Variants in SLC9A3 observed in about 807,000 individuals in gnomAD.
The protein encoded by SLC9A3 is sodium/hydrogen exchanger 3.
In SLC9A3, 37 loss-of-function variants were observed where a neutral mutation model predicts 86.8. That is an observed-to-expected ratio of 0.43 (90% CI 0.33 to 0.56). The LOEUF is 0.56. Among genes scored for constraint, SLC9A3 ranks in the 20% least tolerant of loss-of-function variants. The pLI is 0.06. For missense variants in SLC9A3, 1,011 were observed against 1,171.9 expected, an observed-to-expected ratio of 0.86 and a Z score of 2.00; for synonymous variants, 581 against 528.3, an observed-to-expected ratio of 1.10 and a Z score of -1.37.
chr5:501,820 A>C (rs1740290925), intron 1 of SLC9A3, among the ~76,000 whole-genome samples: 2 of 152,206 alleles, frequency 1.3e-5, no homozygotes, highest in African/African-American at 2.4e-5. Flanking sequence ...GCGGCCTGGC[A>C]GACGTGCCTG....
chr5:480,104 C>T, intron 9 of SLC9A3, 139 bp from the exon 10 acceptor site: 6 of 889,208 alleles, frequency 6.7e-6, no homozygotes, highest in Non-Finnish European at 1.0e-5. Flanking sequence ...GGGAAGCAGC[C>T]CCTGCCACAC....
rs775236709 is a variant in SLC9A3 at position 473,339 on chromosome 5, C to T, written c.*40G>A. The T allele has an allele frequency of 4.2e-6, 6 of 1,412,452 alleles. No individual in the cohort carries two copies. Among genetic ancestry groups the T allele is most frequent in the East Asian group, 3.1e-5 (1 of 32,542 alleles). 87.5% of individuals were successfully genotyped at this position (1,412,452 alleles called of 1,614,324 possible). ...CGGCGGCGGTGGGCGGACCGTGGCG[C>T]GGGGACGAGCGGCCGGTTAGCGGCG... On this transcript the variant is annotated 3_prime_UTR_variant, in exon 17 of 17. Transcript: ENST00000264938.
At chr5:498,025 G>A (rs540748963) in intron 1 of SLC9A3, among the ~76,000 whole-genome samples, 4 of 152,172 alleles carry the variant, frequency 2.6e-5, no homozygotes, top group South Asian at 2.1e-4. Flanking sequence ...CTCGGCCACC[G>A]CCCTCCTCTT....
At chr5:512,962 C>A (rs1217381776) in intron 1 of SLC9A3, among the ~76,000 whole-genome samples, 1 of 152,180 alleles carries the variant, frequency 6.6e-6, no homozygotes, top group Non-Finnish European at 1.5e-5. Context: ...AATACCAGTC[C>A]CACTTTTCAC....
At chr5:494,064 C>T (rs897612098) in intron 1 of SLC9A3, among the ~76,000 whole-genome samples, 2 of 152,368 alleles carry the variant, frequency 1.3e-5, no homozygotes, top group East Asian at 1.9e-4. Context: ...CTGCAGGGTC[C>T]CGTCTGCTCC....
intron 1 of SLC9A3, among the ~76,000 whole-genome samples, chr5:498,328 C>T (rs1422397399): frequency 6.6e-6 from 1 of 152,220 alleles, no homozygotes; most frequent in Non-Finnish European, 1.5e-5. Flanking sequence ...ACTCCTTCTG[C>T]TTCTTGTCAC....
intron 1 of SLC9A3, among the ~76,000 whole-genome samples, chr5:501,419 A>G (rs1377611896): frequency 6.6e-6 from 1 of 152,232 alleles, no homozygotes; most frequent in African/African-American, 2.4e-5. Context: ...TCTGCCTCCC[A>G]GAAACAGCCT....
chr5:475,092 G>A lies in SLC9A3; in HGVS notation c.2292C>T (p.Asp764=), dbSNP rs755839083. The change falls in exon 16 of 17, where the codon GAC becomes GAT. Residue 764 remains aspartate, a synonymous_variant. Transcript: ENST00000264938. ...GCGGCAGCCTGGCCAGGAGGCTGCG[G>A]TCCAGGGCCTCGTCCGGAGAAAACA... ...NPVFSPDEAL[D]RSLLARLPPW... is the part of the protein sequence containing the mutation. 3.7e-6 allele frequency: 6 copies of A among 1,608,666 alleles called. No homozygotes were observed. The highest frequency in any genetic ancestry group is 5.1e-6 in the Non-Finnish European group (6 of 1,177,436).
intron 1 of SLC9A3, among the ~76,000 whole-genome samples, chr5:502,806 G>A (rs894935380): frequency 4.0e-5 from 6 of 150,974 alleles, no homozygotes; most frequent in East Asian, 1.9e-4. Flanking sequence ...GCCGAAAGCC[G>A]CTGTAACGAC....
At position 470,929 on chromosome 5, in the gene SLC9A3, T is replaced by A. The variant is rs1404370238; in HGVS notation, c.*2450A>T. On this transcript the variant is annotated 3_prime_UTR_variant, in exon 17 of 17. Transcript: ENST00000264938. The stretch of plus-strand genomic sequence containing the variant: ...AAGGAAATACATTCATAAGACTGTT[T>A]ACCTTCTGTTTGACAGCAGTGACAG... The A allele has an allele frequency of 6.6e-6, 1 of 152,368 alleles. No individual in the cohort carries two copies. Among genetic ancestry groups the A allele is most frequent in the African/African-American group, 2.4e-5 (1 of 41,456 alleles). 9.4% of individuals were successfully genotyped at this position (152,368 alleles called of 1,614,324 possible). A position where few individuals can be genotyped will look rare whatever the true frequency, so the allele number is the denominator to read the frequency against.
intron 9 of SLC9A3, chr5:480,893 C>CTCTT: frequency 6.6e-6 from 1 of 152,382 alleles, no homozygotes. Context: ...AATGGACAAA[C>CTCTT]TCTTTTTTTT....
chr5:482,659 G>A lies in SLC9A3; in HGVS notation c.1245C>T (p.Arg415=), dbSNP rs143761751. Residue 415 remains arginine, a synonymous_variant, in exon 7 of 17, where the codon CGC becomes CGT. Coordinates refer to ENST00000264938, the MANE Select transcript of SLC9A3 (RefSeq NM_004174.4). Reference sequence around the variant, plus strand: ...CCACCAGGGCAAAGGCCACGGCCCCGCGCAGGCCCCCGTAGGACAGGACCA... The same window carrying A: ...CCACCAGGGCAAAGGCCACGGCCCCACGCAGGCCCCCGTAGGACAGGACCA... ...DQVVLSYGGL[R]GAVAFALVVL... is the part of the protein sequence containing the mutation. 9.9e-5 allele frequency: 160 copies of A among 1,612,440 alleles called. No homozygotes were observed. The highest frequency in any genetic ancestry group is 4.5e-4 in the African/African-American group (34 of 74,868).
rs1227454751 is a variant in SLC9A3, at chr5:495,377, GCT to G, written c.212-3308_212-3307del. 2.4e-5 allele frequency among the ~76,000 whole-genome samples: 3 copies of G among 126,662 alleles called. 1 individual carries two copies. Among genetic ancestry groups the G allele is most frequent in the Non-Finnish European group, 5.4e-5 (3 of 55,188 alleles). 83.1% of individuals were successfully genotyped at this position (126,662 alleles called of 152,430 possible). ...ACTCTGTGCCCTGGGGACTCACAGT[GCT>G]CCCCGCGCCATCGCCGACCCTCCCC... On this transcript the variant is annotated intron_variant, in intron 1 of 16. Coordinates refer to ENST00000264938, the MANE Select transcript of SLC9A3 (RefSeq NM_004174.4).
At chr5:494,198 C>A in intron 1 of SLC9A3, among the ~76,000 whole-genome samples, 1 of 152,220 alleles carries the variant, frequency 6.6e-6, no homozygotes. Context: ...GGGACCCTAA[C>A]GCGTGCCCCG....
intron 1 of SLC9A3, 92 bp downstream of exon 1, chr5:524,020 A>G (rs1733961195): frequency 2.7e-5 from 23 of 849,568 alleles, no homozygotes; most frequent in Non-Finnish European, 3.3e-5. Context: ...CGCGGCTCCG[A>G]CCTGATGCGC....
chr5:471,624 A>T lies in SLC9A3; in HGVS notation c.*1755T>A. ...TTGGATCTGTCCAGTAGGGTCACTG[A>T]CTGGGCAGGGCTTGCTGCATAGAGG... is the stretch of plus-strand genomic sequence containing the variant. On this transcript the variant is annotated 3_prime_UTR_variant, in exon 17 of 17. Transcript: ENST00000264938. The T allele has an allele frequency of 2.6e-6, 1 of 383,714 alleles. No individual in the cohort carries two copies. The highest frequency in any genetic ancestry group is 3.1e-5 in the Admixed American group (1 of 32,682). 23.8% of individuals were successfully genotyped at this position (383,714 alleles called of 1,614,324 possible). A position where few individuals can be genotyped will look rare whatever the true frequency, so the allele number is the denominator to read the frequency against.
Position 491,742 on chromosome 5 carries a change from G to T in SLC9A3, c.514+27C>A, listed in dbSNP as rs574853042. On this transcript the variant is annotated intron_variant, in intron 2 of 16. Coordinates refer to ENST00000264938, the MANE Select transcript of SLC9A3 (RefSeq NM_004174.4). This position sits in a 1 kb window ranked among gnomAD's most constrained non-coding sequence, Gnocchi z 9.2. ...CCTCCCGGACCCCACCCTGATCCCG[G>T]CCGGGGCAACAGTGGCGCAGACTCA... 5 of 1,488,710 alleles carry T rather than the reference G, an allele frequency of 3.4e-6. No individual in the cohort carries two copies. The Admixed American group carries it at 1.1e-4, about 32-fold the overall frequency. 92.2% of individuals were successfully genotyped at this position (1,488,710 alleles called of 1,614,324 possible). A position where few individuals can be genotyped will look rare whatever the true frequency, so the allele number is the denominator to read the frequency against.
intron 10 of SLC9A3, chr5:478,414 C>G (rs1401860978): frequency 1.3e-5 from 2 of 151,992 alleles, no homozygotes; most frequent in African/African-American, 4.9e-5. Flanking sequence ...GGGGCTGCTC[C>G]CCACACCACT....
chr5:512,927 G>A (rs2126652588), intron 1 of SLC9A3, among the ~76,000 whole-genome samples: 1 of 152,258 alleles, frequency 6.6e-6, no homozygotes, highest in Non-Finnish European at 1.5e-5. Flanking sequence ...TGACACTACT[G>A]TCCGGCGTCA....
Sources: gnomAD v4.1 joint callset for allele counts (sites outside exome capture counted in the v4.1 genomes callset) on GRCh38, gnomAD v4.1.1 for gene constraint, Gnocchi (gnomAD v3.1) non-coding constraint, MANE v1.5 for transcripts, NCBI Gene and HGNC (gene_info 2026-07-23, HGNC 2026-07-21) for gene names.